KCNQ3: variants seen among roughly 807,000 people sequenced by gnomAD.
KCNQ3 encodes the protein potassium voltage-gated channel subfamily KQT member 3.
In KCNQ3, 30 loss-of-function variants were observed where a neutral mutation model predicts 92.5. The ratio of observed to expected loss-of-function variants is 0.32; its 90% CI spans 0.24 to 0.44. KCNQ3 has a LOEUF of 0.44. Ranked by LOEUF, KCNQ3 falls within the 20% of genes least tolerant of loss-of-function variation. KCNQ3 has a pLI of 1.00. For missense variants in KCNQ3, 913 were observed against 1,140.3 expected (o/e 0.80, Z 2.87); for synonymous variants, 450 against 468.8 (o/e 0.96, Z 0.52).
intron 2 of KCNQ3, 60 bp downstream of exon 2, chr8:132,186,031 C>A: frequency 7.6e-7 from 1 of 1,312,050 alleles, no homozygotes; most frequent in Non-Finnish European, 1.1e-6. Flanking sequence ...CCAAGGGCAA[C>A]CTCCTTTTCA....
At position 132,122,773 on chromosome 8, in the gene KCNQ3, G is replaced by A. The variant is rs1676946331; in HGVS notation, c.*6489C>T. On this transcript the variant is annotated 3_prime_UTR_variant, in exon 15 of 15. Coordinates refer to ENST00000388996, the MANE Select transcript of KCNQ3 (RefSeq NM_004519.4). ...AGGGATTCACAAGGACTGCTGGGGA[G>A]CCCTGCCAAATTCTGGCCGATTTAT... 1 of 152,158 alleles carries A rather than the reference G, an allele frequency of 6.6e-6. No homozygotes were observed. The highest frequency in any genetic ancestry group is 2.4e-5 in the African/African-American group (1 of 41,432). 9.4% of individuals were successfully genotyped at this position (152,158 alleles called of 1,614,324 possible). A position where few individuals can be genotyped will look rare whatever the true frequency, so the allele number is the denominator to read the frequency against.
chr8:132,342,624 T>C (rs1818566170), intron 1 of KCNQ3, among the ~76,000 whole-genome samples: 1 of 152,250 alleles, frequency 6.6e-6, no homozygotes. Flanking sequence ...GTTGCTCTCT[T>C]TAGAGAAACT....
At chr8:132,189,347 C>A (rs1222050535) in intron 1 of KCNQ3, among the ~76,000 whole-genome samples, 1 of 152,174 alleles carries the variant, frequency 6.6e-6, no homozygotes. Flanking sequence ...GGACAACAAC[C>A]CGTTATCATC....
chr8:132,216,206 A>ACAACAG (rs1173162451), intron 1 of KCNQ3, among the ~76,000 whole-genome samples: 10 of 152,204 alleles, frequency 6.6e-5, no homozygotes, highest in Admixed American at 1.3e-4. Context: ...AACAATGATG[A>ACAACAG]CAACAGCAAC....
intron 1 of KCNQ3, among the ~76,000 whole-genome samples, chr8:132,410,444 A>C (rs921462807): frequency 2.0e-5 from 3 of 152,196 alleles, no homozygotes; most frequent in Non-Finnish European, 4.4e-5. Context: ...TTGCTGCCAG[A>C]TGGAAAGAAG....
At chr8:132,304,297 C>T (rs1047865597) in intron 1 of KCNQ3, among the ~76,000 whole-genome samples, 1 of 152,128 alleles carries the variant, frequency 6.6e-6, no homozygotes, top group Non-Finnish European at 1.5e-5. Flanking sequence ...CCTAAATCTA[C>T]AGAAATGTTT....
At chr8:132,397,167 C>T (rs888510096) in intron 1 of KCNQ3, among the ~76,000 whole-genome samples, 5 of 152,064 alleles carry the variant, frequency 3.3e-5, no homozygotes, top group African/African-American at 1.2e-4. Flanking sequence ...CGCATTTTAC[C>T]AAATCACTAC....
intron 1 of KCNQ3, among the ~76,000 whole-genome samples, chr8:132,476,826 T>C (rs901936658): frequency 2.0e-5 from 3 of 152,118 alleles, no homozygotes; most frequent in African/African-American, 7.2e-5. Flanking sequence ...GAAAAGGACA[T>C]GAGATTTGGG....
intron 9 of KCNQ3, among the ~76,000 whole-genome samples, chr8:132,161,505 G>A (rs148040981): frequency 3.8e-4 from 58 of 152,080 alleles, no homozygotes; most frequent in African/African-American, 1.3e-3. Flanking sequence ...GGTGGTGCTC[G>A]CCTATCATTT....
chr8:132,380,678 C>G (rs1304162867), intron 1 of KCNQ3, among the ~76,000 whole-genome samples: 1 of 149,522 alleles, frequency 6.7e-6, no homozygotes, highest in African/African-American at 2.4e-5. Flanking sequence ...CACCCTCCCT[C>G]CCTCCCTCCC....
At chr8:132,439,192 A>G (rs573196505) in intron 1 of KCNQ3, among the ~76,000 whole-genome samples, 1 of 152,030 alleles carries the variant, frequency 6.6e-6, no homozygotes, top group East Asian at 1.9e-4. Context: ...CCTGCTGAGT[A>G]ACATGACTTC....
chr8:132,236,000 C>G (rs538193214), intron 1 of KCNQ3, among the ~76,000 whole-genome samples: 306 of 152,286 alleles, frequency 2.0e-3, no homozygotes, highest in African/African-American at 7.0e-3. Context: ...GTCTCTAAGA[C>G]CCAGCACATG....
chr8:132,138,504 C>G (rs1219648073), intron 11 of KCNQ3, among the ~76,000 whole-genome samples: 4 of 152,150 alleles, frequency 2.6e-5, no homozygotes, highest in African/African-American at 7.2e-5. Flanking sequence ...ATCTCATCCT[C>G]AAGAGCCTCT....
intron 1 of KCNQ3, among the ~76,000 whole-genome samples, chr8:132,389,064 G>A (rs2721912): frequency 0.5 from 75,342 of 152,100 alleles, 21,518 homozygotes; most frequent in African/African-American, 0.8. Flanking sequence ...GTAGACTTCA[G>A]TATTTAAAAA....
chr8:132,289,114 A>G (rs1257894845), intron 1 of KCNQ3, among the ~76,000 whole-genome samples: 2 of 152,224 alleles, frequency 1.3e-5, no homozygotes, highest in Non-Finnish European at 2.9e-5. Context: ...TAAAAAATGC[A>G]TCACTAAGAC....
At chr8:132,387,831 T>C (rs1819927505) in intron 1 of KCNQ3, among the ~76,000 whole-genome samples, 1 of 151,852 alleles carries the variant, frequency 6.6e-6, no homozygotes, top group Non-Finnish European at 1.5e-5. Context: ...TGAGATCCCA[T>C]CTCTACAAAA....
At chr8:132,342,614 G>T (rs1381116912) in intron 1 of KCNQ3, among the ~76,000 whole-genome samples, 1 of 152,206 alleles carries the variant, frequency 6.6e-6, no homozygotes, top group East Asian at 1.9e-4. Flanking sequence ...AGAAGCAGTA[G>T]TTGCTCTCTT....
chr8:132,386,274 A>G (rs746796824), intron 1 of KCNQ3, among the ~76,000 whole-genome samples: 1 of 152,178 alleles, frequency 6.6e-6, no homozygotes, highest in African/African-American at 2.4e-5. Flanking sequence ...TAAGGTTTCA[A>G]TGGAATATTT....
chr8:132,290,628 C>T (rs1816811214), intron 1 of KCNQ3, among the ~76,000 whole-genome samples: 1 of 152,012 alleles, frequency 6.6e-6, no homozygotes, highest in South Asian at 2.1e-4. Context: ...AAGATAGAGA[C>T]AAGAGGGCTT....
Sources: gnomAD v4.1 joint callset for allele counts (sites outside exome capture counted in the v4.1 genomes callset) on GRCh38, gnomAD v4.1.1 for gene constraint, MANE v1.5 for transcripts, NCBI Gene and HGNC (gene_info 2026-07-23, HGNC 2026-07-21) for gene names.